Variants in TPD52L2 observed in about 807,000 individuals in gnomAD.
TPD52L2 encodes tumor protein D54.
Under a neutral mutation model 24.7 loss-of-function variants are expected in TPD52L2, and 19 were observed. The ratio of observed to expected loss-of-function variants is 0.77; its 90% CI spans 0.54 to 1.13. The LOEUF is 1.13. Ranked by LOEUF, TPD52L2 falls within the 50% of genes most tolerant of loss-of-function variation. The pLI, the probability that TPD52L2 is intolerant of heterozygous loss-of-function variation, is 0.00. For missense variants in TPD52L2, 236 were observed against 250.4 expected, an observed-to-expected ratio of 0.94 and a Z score of 0.39; for synonymous variants, 104 against 100.2, an observed-to-expected ratio of 1.04 and a Z score of -0.23.
At chr20:63,880,890 CAAA>C (rs60375809) in intron 4 of TPD52L2, among the ~76,000 whole-genome samples, 8 of 77,450 alleles carry the variant, frequency 1.0e-4, no homozygotes, top group Admixed American at 1.3e-4. Flanking sequence ...GACTCTGTCT[CAAA>C]AAAAAAAAAA....
In TPD52L2 at chr20:63,890,143, C is replaced by A; in HGVS notation, c.*198C>A. 8.0e-7 allele frequency: 1 copy of A among 1,250,032 alleles called. No individual in the cohort carries two copies. The highest frequency in any genetic ancestry group is 1.1e-6 in the Non-Finnish European group (1 of 918,674). The allele number at this position is 1,250,032 out of a possible 1,614,324, so 77.4% of individuals were successfully genotyped here. A position where few individuals can be genotyped will look rare whatever the true frequency, so the allele number is the denominator to read the frequency against. On this transcript the variant is annotated 3_prime_UTR_variant, in exon 7 of 7. Transcript: ENST00000346249. The stretch of plus-strand genomic sequence containing the variant: ...CACAGGCTTGTACACAGATGTTTTA[C>A]ACTCACGTTTGTAGATGAAACAGAT...
At chr20:63,876,554 A>G (rs2052684522) in intron 4 of TPD52L2, 1 of 355,582 alleles carries the variant, frequency 2.8e-6, no homozygotes, top group Admixed American at 3.8e-5. Context: ...ACGTCTTTAA[A>G]CTGAGGAGGG....
At chr20:63,872,504 A>C (rs934168147) in intron 2 of TPD52L2, among the ~76,000 whole-genome samples, 2 of 151,582 alleles carry the variant, frequency 1.3e-5, no homozygotes, top group African/African-American at 4.9e-5. Flanking sequence ...CAGCCTCCCG[A>C]GTAGCTGGGG....
At chr20:63,882,166 C>T (rs1412332095) in intron 4 of TPD52L2, among the ~76,000 whole-genome samples, 2 of 152,226 alleles carry the variant, frequency 1.3e-5, no homozygotes, top group African/African-American at 4.8e-5. Context: ...CACTCTGTGA[C>T]GCTCGTTCCC....
At chr20:63,883,873 T>A (rs1455325946) in intron 5 of TPD52L2, among the ~76,000 whole-genome samples, 3 of 150,758 alleles carry the variant, frequency 2.0e-5, no homozygotes, top group Non-Finnish European at 4.5e-5. Flanking sequence ...GTTAGGTGTG[T>A]CCTGCCTCCC....
intron 2 of TPD52L2, among the ~76,000 whole-genome samples, chr20:63,872,523 G>A (rs1191670365): frequency 1.3e-5 from 2 of 151,660 alleles, no homozygotes; most frequent in Non-Finnish European, 2.9e-5. Flanking sequence ...GGTTACAGGC[G>A]TGCACCACCA....
At position 63,888,966 on chromosome 20, in the gene TPD52L2, T is replaced by C. The variant is rs1223741999; in HGVS notation, c.477-224T>C. On this transcript the variant is annotated intron_variant, in intron 5 of 6. Transcript: ENST00000346249. ...AGTCAAGGGGTTTCCAGTTGCCTTGTGTGACGTCTGGACCTGTCCCTGTGG... is the reference window on the plus strand; with the variant it reads ...AGTCAAGGGGTTTCCAGTTGCCTTGCGTGACGTCTGGACCTGTCCCTGTGG... The C allele has an allele frequency of 5.1e-6, 3 of 593,360 alleles. No individual in the cohort carries two copies. In the African/African-American group the frequency reaches 5.6e-5, roughly 11 times the overall value. The allele number at this position is 593,360 out of a possible 1,614,324, so 36.8% of individuals were successfully genotyped here.
intron 6 of TPD52L2, 88 bp downstream of exon 6, chr20:63,889,326 A>G: frequency 8.8e-7 from 1 of 1,134,514 alleles, no homozygotes; most frequent in African/African-American, 1.5e-5. Context: ...GTTATGGTAG[A>G]CTCACATACA....
At chr20:63,868,845 A>G (rs986562960) in intron 1 of TPD52L2, among the ~76,000 whole-genome samples, 4 of 152,116 alleles carry the variant, frequency 2.6e-5, no homozygotes, top group African/African-American at 9.7e-5. Context: ...GAAGGCTGAG[A>G]CAGGAGAATC....
intron 1 of TPD52L2, among the ~76,000 whole-genome samples, chr20:63,866,976 G>A (rs2052271720): frequency 2.7e-5 from 4 of 148,370 alleles, no homozygotes; most frequent in South Asian, 2.1e-4. Context: ...TTTTTGAGAC[G>A]GATTTTCGCT....
intron 3 of TPD52L2, among the ~76,000 whole-genome samples, chr20:63,875,268 A>G (rs2052629154): frequency 6.6e-6 from 1 of 151,876 alleles, no homozygotes; most frequent in Non-Finnish European, 1.5e-5. Flanking sequence ...TAACCCTGGG[A>G]CACCTGTCCC....
At chr20:63,867,209 C>T (rs1188495956) in intron 1 of TPD52L2, among the ~76,000 whole-genome samples, 1 of 152,194 alleles carries the variant, frequency 6.6e-6, no homozygotes, top group East Asian at 1.9e-4. Context: ...CCGCCTTGGC[C>T]TCCAAAAGTG....
chr20:63,872,503 G>A (rs576757048), intron 2 of TPD52L2, among the ~76,000 whole-genome samples: 11 of 151,656 alleles, frequency 7.3e-5, no homozygotes, highest in Non-Finnish European at 1.5e-4. Flanking sequence ...TCAGCCTCCC[G>A]AGTAGCTGGG....
chr20:63,885,162 A>T (rs1182649408), intron 5 of TPD52L2, among the ~76,000 whole-genome samples: 1 of 152,160 alleles, frequency 6.6e-6, no homozygotes, highest in African/African-American at 2.4e-5. Context: ...GCCCCTCTGG[A>T]CAGCTGCCCA....
Position 63,871,308 on chromosome 20 carries a change from G to A in TPD52L2, c.165+1867G>A, listed in dbSNP as rs140387972. 3.4e-3 allele frequency among the ~76,000 whole-genome samples: 512 copies of A among 151,618 alleles called. 5 individuals carry two copies. The highest frequency in any genetic ancestry group is 5.6e-3 in the Non-Finnish European group (379 of 67,936). On this transcript the variant is annotated intron_variant, in intron 2 of 6. Coordinates refer to ENST00000346249, the MANE Select transcript of TPD52L2 (RefSeq NM_003288.4). ...TCCACCTGGCTCAGCCTCCCGAAGT[G>A]CTAGGATTACAAATGCGAGCCGCTG... is the stretch of plus-strand genomic sequence containing the variant.
chr20:63,886,523 G>A (rs180736027), intron 5 of TPD52L2, among the ~76,000 whole-genome samples: 6,826 of 152,136 alleles, frequency 0.045, 217 homozygotes, highest in Non-Finnish European at 0.069. Flanking sequence ...CGCCACGCCC[G>A]GCTAATTTTT....
chr20:63,874,790 C>T (rs1316284885), intron 3 of TPD52L2, among the ~76,000 whole-genome samples: 5 of 152,074 alleles, frequency 3.3e-5, no homozygotes, highest in African/African-American at 7.2e-5. Context: ...TTGGCAAGAG[C>T]GGTTTTTCTG....
chr20:63,873,899 A>C, intron 3 of TPD52L2, 83 bp downstream of exon 3: 1 of 1,388,368 alleles, frequency 7.2e-7, no homozygotes, highest in Non-Finnish European at 9.4e-7. Context: ...GGGCGTCGTC[A>C]TGCCCAGGGA....
At chr20:63,870,377 A>G (rs2052412788) in intron 2 of TPD52L2, among the ~76,000 whole-genome samples, 1 of 152,194 alleles carries the variant, frequency 6.6e-6, no homozygotes, top group Non-Finnish European at 1.5e-5. Flanking sequence ...TGAGGACATC[A>G]CACAGCTATT....
Sources: allele counts gnomAD v4.1 joint callset (sites outside exome capture counted in the v4.1 genomes callset), GRCh38; gene constraint gnomAD v4.1.1; transcripts MANE v1.5; gene names NCBI Gene and HGNC (gene_info 2026-07-23, HGNC 2026-07-21).